EYS: variants seen among roughly 807,000 people sequenced by gnomAD.
The protein encoded by EYS is protein eyes shut homolog.
EYS carries 250 observed loss-of-function variants against 282.1 expected under a neutral mutation model. The ratio of observed to expected loss-of-function variants is 0.89; its 90% CI spans 0.80 to 0.98. The LOEUF is 0.98. Among genes scored for constraint, EYS ranks in the 50% least tolerant of loss-of-function variants. The pLI, the probability that EYS is intolerant of heterozygous loss-of-function variation, is 0.00. For synonymous variants in EYS, 1,355 were observed against 1,282.9 expected (o/e 1.06, Z -1.20); for missense variants, 4,016 against 3,709.0 (o/e 1.08, Z -2.15).
At chr6:64,327,401 G>T (rs890378437) in intron 29 of EYS, among the ~76,000 whole-genome samples, 2 of 152,214 alleles carry the variant, frequency 1.3e-5, no homozygotes, top group African/African-American at 2.4e-5. Flanking sequence ...TTTTAAGAAA[G>T]GTTTTAATGA....
chr6:63,863,675 C>CTTTTCTTTTCTTTTCTTTTCTTTTCT (rs1772597256), intron 36 of EYS, among the ~76,000 whole-genome samples: 3 of 60,042 alleles, frequency 5.0e-5, no homozygotes, highest in African/African-American at 1.1e-4. Context: ...TTTCTTTTTT[C>CTTTTCTTTTCTTTTCTTTTCTTTTCT]TTTTTTTTTT....
intron 26 of EYS, among the ~76,000 whole-genome samples, chr6:64,576,506 C>T (rs749954419): frequency 6.6e-6 from 1 of 151,892 alleles, no homozygotes; most frequent in Admixed American, 6.6e-5. Context: ...ACCAAACGAA[C>T]ATGTTGAGAG....
intron 2 of EYS, among the ~76,000 whole-genome samples, chr6:65,547,338 C>A (rs1231681609): frequency 6.6e-6 from 1 of 151,588 alleles, no homozygotes; most frequent in African/African-American, 2.4e-5. Flanking sequence ...TAATGTTGGT[C>A]ATAGAGGGTA....
At chr6:65,510,011 T>A (rs563413347) in intron 2 of EYS, among the ~76,000 whole-genome samples, 1 of 152,030 alleles carries the variant, frequency 6.6e-6, no homozygotes, top group African/African-American at 2.4e-5. Flanking sequence ...AAATTTTCTT[T>A]TTTTTTTCTT....
intron 19 of EYS, among the ~76,000 whole-genome samples, chr6:64,823,946 T>C (rs963369129): frequency 6.6e-6 from 1 of 151,920 alleles, no homozygotes; most frequent in Non-Finnish European, 1.5e-5. Context: ...ATAAGCTTAT[T>C]ACAGTGAAGA....
chr6:63,732,195 G>A (rs886919787), intron 41 of EYS, among the ~76,000 whole-genome samples: 6 of 152,002 alleles, frequency 3.9e-5, no homozygotes, highest in Non-Finnish European at 7.4e-5. Context: ...GACACATGCT[G>A]AAATTATATG....
At chr6:64,564,117 T>C (rs1020070354) in intron 26 of EYS, among the ~76,000 whole-genome samples, 1 of 151,898 alleles carries the variant, frequency 6.6e-6, no homozygotes, top group African/African-American at 2.4e-5. Context: ...TACCCACGAG[T>C]GGGATTGCTG....
At chr6:64,618,149 T>C (rs928624309) in intron 23 of EYS, among the ~76,000 whole-genome samples, 32 of 152,188 alleles carry the variant, frequency 2.1e-4, no homozygotes, top group Admixed American at 1.9e-3. Context: ...AGTTTGATTG[T>C]ATGTATTTTG....
intron 22 of EYS, among the ~76,000 whole-genome samples, chr6:64,707,995 T>G (rs994139314): frequency 1.3e-5 from 2 of 151,930 alleles, no homozygotes; most frequent in East Asian, 1.9e-4. Flanking sequence ...TAAAATTATA[T>G]AAAATAGAAA....
chr6:64,662,188 A>T, intron 22 of EYS, among the ~76,000 whole-genome samples: 1 of 136,244 alleles, frequency 7.3e-6, no homozygotes, highest in Non-Finnish European at 1.5e-5. Flanking sequence ...AACAATGAGA[A>T]CACATGGACA....
intron 30 of EYS, among the ~76,000 whole-genome samples, chr6:64,246,270 A>C (rs2150346081): frequency 6.6e-6 from 1 of 150,940 alleles, no homozygotes; most frequent in East Asian, 1.9e-4. Flanking sequence ...TAATTTATTT[A>C]GAGCTTTTTT....
chr6:65,349,505 ATTATT>A (rs1174461330), intron 9 of EYS, among the ~76,000 whole-genome samples: 5 of 151,490 alleles, frequency 3.3e-5, no homozygotes, highest in Non-Finnish European at 7.4e-5. Flanking sequence ...GAAGGTTATT[ATTATT>A]TTAAGTTTAC....
At chr6:64,204,213 A>G (rs1286990272) in intron 31 of EYS, among the ~76,000 whole-genome samples, 2 of 152,174 alleles carry the variant, frequency 1.3e-5, no homozygotes, top group African/African-American at 2.4e-5. Context: ...TTTCATGTTG[A>G]CATTGCAGGT....
chr6:63,900,502 T>G (rs1562086666), intron 35 of EYS, among the ~76,000 whole-genome samples: 2 of 152,148 alleles, frequency 1.3e-5, no homozygotes, highest in Non-Finnish European at 2.9e-5. Flanking sequence ...TCTTAAGGAT[T>G]GAGGCTGTGC....
chr6:64,683,963 A>T (rs1769993336), intron 22 of EYS, among the ~76,000 whole-genome samples: 1 of 152,178 alleles, frequency 6.6e-6, no homozygotes. Context: ...CCTAGTCTGT[A>T]AACGAAGGCA....
At chr6:64,860,884 G>A (rs920360370) in intron 19 of EYS, among the ~76,000 whole-genome samples, 2 of 152,192 alleles carry the variant, frequency 1.3e-5, no homozygotes, top group South Asian at 2.1e-4. Flanking sequence ...CAGGCAGGTC[G>A]TCCCATCATG....
rs58326040 is a variant in EYS at position 65,506,460 on chromosome 6, C to CTT, written c.-332-10469_-332-10468dup. ...GGTTTACAATATCCTTCCTTCCTTT[C>CTT]TTTTTTTTTTTTTTTTTTTTTTTTT... On this transcript the variant is annotated intron_variant, in intron 2 of 42. Coordinates refer to ENST00000503581, the MANE Select transcript of EYS (RefSeq NM_001142800.2). Among the ~76,000 whole-genome samples the CTT allele has an allele frequency of 4.2e-4, 27 of 64,890 alleles. 3 individuals are homozygous for CTT. The highest frequency in any genetic ancestry group is 6.8e-4 in the South Asian group (1 of 1,468). 42.6% of individuals were successfully genotyped at this position (64,890 alleles called of 152,430 possible).
intron 37 of EYS, 41 bp downstream of exon 37, chr6:63,806,149 A>G (rs1770902657): frequency 6.7e-7 from 1 of 1,493,812 alleles, no homozygotes; most frequent in Non-Finnish European, 9.1e-7. Context: ...AAGTATTCTT[A>G]AAGGAGCGAG....
intron 26 of EYS, among the ~76,000 whole-genome samples, chr6:64,550,190 T>C (rs931563724): frequency 3.3e-5 from 5 of 152,228 alleles, no homozygotes; most frequent in African/African-American, 1.2e-4. Flanking sequence ...AGTGGCGCAA[T>C]AAACATACAT....
Sources: gnomAD v4.1 joint callset for allele counts (sites outside exome capture counted in the v4.1 genomes callset) on GRCh38, gnomAD v4.1.1 for gene constraint, MANE v1.5 for transcripts, NCBI Gene and HGNC (gene_info 2026-07-23, HGNC 2026-07-21) for gene names.